The following ZNF385B variants were observed in gnomAD, a reference collection of about 807,000 sequenced individuals.
ZNF385B encodes the protein zinc finger protein 533.
ZNF385B carries 23 observed loss-of-function variants against 39.2 expected under a neutral mutation model. The observed-to-expected ratio is 0.59, with a 90% CI of 0.42 to 0.83. ZNF385B has a LOEUF of 0.83. ZNF385B is among the 40% of genes least tolerant of loss of function. The pLI is 0.00. For synonymous variants in ZNF385B, 205 were observed against 222.6 expected (o/e 0.92, Z 0.70); for missense variants, 552 against 598.9 (o/e 0.92, Z 0.82).
At chr2:179,712,476 T>TA (rs1700067197) in intron 3 of ZNF385B, among the ~76,000 whole-genome samples, 1 of 152,294 alleles carries the variant, frequency 6.6e-6, no homozygotes, top group African/African-American at 2.4e-5. Context: ...CCTTGATATC[T>TA]CCTCTTTTCA....
intron 4 of ZNF385B, among the ~76,000 whole-genome samples, chr2:179,525,800 G>A (rs2058848864): frequency 6.6e-6 from 1 of 152,186 alleles, no homozygotes; most frequent in Admixed American, 6.5e-5. Flanking sequence ...ATGTTTAAGT[G>A]ATAGCTGTGT....
At chr2:179,687,533 CCCCCA>C (rs1698016545) in intron 3 of ZNF385B, among the ~76,000 whole-genome samples, 1 of 152,084 alleles carries the variant, frequency 6.6e-6, no homozygotes, top group Non-Finnish European at 1.5e-5. Flanking sequence ...TTAAAAATAT[CCCCCA>C]ACCCCAGTGA....
intron 3 of ZNF385B, among the ~76,000 whole-genome samples, chr2:179,713,400 C>G (rs1239300717): frequency 6.6e-6 from 1 of 152,158 alleles, no homozygotes; most frequent in African/African-American, 2.4e-5. Context: ...CTTTCTCCTT[C>G]TCCTTAGAAT....
chr2:179,674,837 T>G (rs1237525822), intron 3 of ZNF385B, among the ~76,000 whole-genome samples: 1 of 152,144 alleles, frequency 6.6e-6, no homozygotes, highest in Non-Finnish European at 1.5e-5. Flanking sequence ...GGCTCACAGG[T>G]AGGGAGAAAG....
intron 3 of ZNF385B, chr2:179,745,697 G>A: frequency 6.5e-7 from 1 of 1,538,530 alleles, no homozygotes; most frequent in Non-Finnish European, 8.8e-7. Context: ...CCAAGTTTTA[G>A]AATAAAAACG....
At chr2:179,532,038 C>T (rs2059283952) in intron 4 of ZNF385B, among the ~76,000 whole-genome samples, 1 of 152,184 alleles carries the variant, frequency 6.6e-6, no homozygotes, top group African/African-American at 2.4e-5. Flanking sequence ...TAGAGTGCTT[C>T]ACTCTGCTCT....
At chr2:179,848,913 A>C (rs1708938852) in intron 1 of ZNF385B, among the ~76,000 whole-genome samples, 1 of 152,222 alleles carries the variant, frequency 6.6e-6, no homozygotes, top group South Asian at 2.1e-4. Context: ...GACTATTTCC[A>C]AATAATAGCA....
chr2:179,718,625 A>G (rs1700483723), intron 3 of ZNF385B, among the ~76,000 whole-genome samples: 1 of 150,632 alleles, frequency 6.6e-6, no homozygotes, highest in South Asian at 2.1e-4. Flanking sequence ...AGTTCAGTAC[A>G]CACTAAATTA....
At chr2:179,801,737 A>G (rs1259265024) in intron 1 of ZNF385B, among the ~76,000 whole-genome samples, 1 of 152,172 alleles carries the variant, frequency 6.6e-6, no homozygotes, top group Non-Finnish European at 1.5e-5. Flanking sequence ...AGGCAGGCAT[A>G]TCATTTTTCT....
At chr2:179,619,352 T>C (rs1005611477) in intron 3 of ZNF385B, among the ~76,000 whole-genome samples, 2 of 152,184 alleles carry the variant, frequency 1.3e-5, no homozygotes, top group African/African-American at 2.4e-5. Context: ...TCTCTCAGAT[T>C]AATAGTTTTC....
chr2:179,825,918 C>T (rs545980114), intron 1 of ZNF385B, among the ~76,000 whole-genome samples: 58 of 152,276 alleles, frequency 3.8e-4, no homozygotes, highest in Middle Eastern at 3.4e-3. Context: ...CCATCTCTGT[C>T]CTCCCATGAT....
At chr2:179,855,541 A>C (rs1384427510) in intron 1 of ZNF385B, among the ~76,000 whole-genome samples, 1 of 152,222 alleles carries the variant, frequency 6.6e-6, no homozygotes, top group Non-Finnish European at 1.5e-5. Context: ...ATGTGGCACC[A>C]AATAGATCAA....
In ZNF385B at chr2:179,550,811, T is replaced by C. The variant is rs1417297203; in HGVS notation, c.299-5842A>G. ...CAGATTTTGCTGCTGCTGCTGCTGC[T>C]GCTAAGAATCCTTTCTTCTCACCTC... On this transcript the variant is annotated intron_variant, in intron 3 of 9. Coordinates refer to ENST00000410066, the MANE Select transcript of ZNF385B (RefSeq NM_152520.6). 1.8e-4 allele frequency among the ~76,000 whole-genome samples: 26 copies of C among 148,560 alleles called. 1 individual carries two copies.
At chr2:179,853,603 T>C (rs1684349070) in intron 1 of ZNF385B, among the ~76,000 whole-genome samples, 1 of 152,240 alleles carries the variant, frequency 6.6e-6, no homozygotes, top group South Asian at 2.1e-4. Flanking sequence ...ACTGAAGGTT[T>C]AAAAGTCAGA....
At chr2:179,449,702 A>G (rs914309135) in intron 6 of ZNF385B, among the ~76,000 whole-genome samples, 3 of 152,208 alleles carry the variant, frequency 2.0e-5, no homozygotes, top group African/African-American at 7.2e-5. Flanking sequence ...ATTCAATGCC[A>G]TCCCCATCGA....
intron 3 of ZNF385B, among the ~76,000 whole-genome samples, chr2:179,686,138 T>A (rs77649128): frequency 1.3e-5 from 2 of 152,222 alleles, no homozygotes; most frequent in Non-Finnish European, 2.9e-5. Flanking sequence ...TCCATTTATA[T>A]AAACATATTT....
chr2:179,536,214 T>TG (rs1354141450), intron 4 of ZNF385B: 4 of 152,002 alleles, frequency 2.6e-5, no homozygotes, highest in Non-Finnish European at 5.9e-5. Context: ...CTTCTAATTC[T>TG]TTTTTTTAAT....
chr2:179,847,386 G>A (rs1394892673), intron 1 of ZNF385B, among the ~76,000 whole-genome samples: 1 of 152,156 alleles, frequency 6.6e-6, no homozygotes. Flanking sequence ...TGTCTATATA[G>A]TTCATAATTA....
intron 3 of ZNF385B, among the ~76,000 whole-genome samples, chr2:179,584,385 T>C (rs1020117086): frequency 6.6e-6 from 1 of 151,982 alleles, no homozygotes; most frequent in African/African-American, 2.4e-5. Context: ...TAAAATACTA[T>C]AAAATGACAA....
Sources: gnomAD v4.1 joint callset for allele counts (sites outside exome capture counted in the v4.1 genomes callset) on GRCh38, gnomAD v4.1.1 for gene constraint, MANE v1.5 for transcripts, NCBI Gene and HGNC (gene_info 2026-07-23, HGNC 2026-07-21) for gene names.